Variants in MTFR1 observed in about 807,000 individuals in gnomAD.
MTFR1 encodes the protein chondrocyte protein with a poly-proline region.
MTFR1 carries 28 observed loss-of-function variants against 38.8 expected under a neutral mutation model. The observed-to-expected ratio is 0.72, with a 90% CI of 0.53 to 0.99. MTFR1 has a LOEUF of 0.99. MTFR1 is among the 50% of genes least tolerant of loss of function. The pLI is 0.00. For synonymous variants in MTFR1, 145 were observed against 137.0 expected, an observed-to-expected ratio of 1.06 and a Z score of -0.41; for missense variants, 358 against 395.5, an observed-to-expected ratio of 0.91 and a Z score of 0.81.
intron 5 of MTFR1, among the ~76,000 whole-genome samples, chr8:65,706,631 C>G (rs1464908461): frequency 1.3e-5 from 2 of 152,116 alleles, no homozygotes; most frequent in Non-Finnish European, 2.9e-5. Context: ...TTAGTTTTCT[C>G]AAATCATTAA....
intron 4 of MTFR1, among the ~76,000 whole-genome samples, chr8:65,697,536 C>T (rs1805482263): frequency 6.6e-6 from 1 of 152,192 alleles, no homozygotes; most frequent in East Asian, 1.9e-4. Context: ...AGTTGATGGA[C>T]ATCTAGGTTG....
chr8:65,648,194 T>A (rs1452281900), intron 1 of MTFR1, among the ~76,000 whole-genome samples: 2 of 152,100 alleles, frequency 1.3e-5, no homozygotes, highest in Non-Finnish European at 2.9e-5. Flanking sequence ...TTTTTTCTAT[T>A]TTTTAGTAGA....
intron 7 of MTFR1, 113 bp from the exon 8 acceptor site, chr8:65,708,863 T>C (rs571463623): frequency 1.3e-4 from 125 of 955,616 alleles, no homozygotes; most frequent in East Asian, 8.9e-4. Flanking sequence ...AGTAGTTGCT[T>C]GGTTTTTCAT....
intron 3 of MTFR1, chr8:65,734,854 A>G (rs886902459): frequency 6.2e-7 from 1 of 1,612,714 alleles, no homozygotes; most frequent in Non-Finnish European, 8.5e-7. Context: ...GGACTGCGTT[A>G]TGGTAAGGAT....
chr8:65,661,523 GC>G (rs1210098806), intron 1 of MTFR1, among the ~76,000 whole-genome samples: 1 of 152,016 alleles, frequency 6.6e-6, no homozygotes, highest in Non-Finnish European at 1.5e-5. Flanking sequence ...TGTAATACCA[GC>G]TATTTAAGAG....
intron 4 of MTFR1, among the ~76,000 whole-genome samples, chr8:65,696,009 G>T (rs553066459): frequency 6.6e-6 from 1 of 152,164 alleles, no homozygotes; most frequent in Non-Finnish European, 1.5e-5. Flanking sequence ...CTGGTAGAGG[G>T]TATTGTTATG....
intron 4 of MTFR1, 127 bp from the exon 5 acceptor site, chr8:65,704,567 G>T: frequency 1.4e-6 from 1 of 695,078 alleles, no homozygotes. Context: ...CTTACACGAA[G>T]GGACTTATGT....
chr8:65,695,874 G>A lies in MTFR1; in HGVS notation c.281+2115G>A, dbSNP rs75595064. 0.011 allele frequency among the ~76,000 whole-genome samples: 1,690 copies of A among 152,228 alleles called. 72 individuals carry two copies. In the East Asian group the frequency reaches 0.12, roughly 11 times the overall value. On this transcript the variant is annotated intron_variant, in intron 4 of 7. Transcript: ENST00000262146. ...AGTGCCCAAGAAGCATGTATAGAAC[G>A]TGAAGAGCATTTGTACCCTGAGTGA...
Position 65,707,059 on chromosome 8 carries a change from T to TA in MTFR1, c.567_568insA (p.Pro190ThrfsTer20). The TA allele has an allele frequency of 1.1e-6, 1 of 932,152 alleles. No homozygotes were observed. Among genetic ancestry groups the TA allele is most frequent in the Non-Finnish European group, 1.7e-6 (1 of 589,922 alleles). The allele number at this position is 932,152 out of a possible 1,614,324, so 57.7% of individuals were successfully genotyped here. A position where few individuals can be genotyped will look rare whatever the true frequency, so the allele number is the denominator to read the frequency against. ...GTACCATACCACCACACCCTCCACC[T>TA]CCCCCACCGCCCCTGCCTCCCCCTG... On this transcript the variant is annotated frameshift_variant, in exon 6 of 8. Transcript: ENST00000262146. LOFTEE classifies it high-confidence loss of function.
chr8:65,656,588 G>A (rs1190970869), intron 1 of MTFR1, among the ~76,000 whole-genome samples: 1 of 144,542 alleles, frequency 6.9e-6, no homozygotes, highest in South Asian at 2.2e-4. Context: ...TGCAACCCCC[G>A]CCTACCAGAT....
chr8:65,691,965 T>C (rs1805294689), intron 3 of MTFR1, among the ~76,000 whole-genome samples: 1 of 152,236 alleles, frequency 6.6e-6, no homozygotes. Flanking sequence ...GTATTATGTG[T>C]CACATGATAT....
chr8:65,700,386 A>C (rs967050085), intron 4 of MTFR1, among the ~76,000 whole-genome samples: 11 of 151,932 alleles, frequency 7.2e-5, no homozygotes, highest in African/African-American at 2.7e-4. Flanking sequence ...AAACAAAAAA[A>C]AGGGCAGCAT....
At chr8:65,733,897 G>A (rs1263994897) in intron 3 of MTFR1, among the ~76,000 whole-genome samples, 1 of 152,078 alleles carries the variant, frequency 6.6e-6, no homozygotes, top group Non-Finnish European at 1.5e-5. Context: ...TAAGATCTAG[G>A]GAGAGAGCAG....
intron 3 of MTFR1, among the ~76,000 whole-genome samples, chr8:65,684,614 A>G (rs1805014752): frequency 6.6e-6 from 1 of 151,512 alleles, no homozygotes; most frequent in Non-Finnish European, 1.5e-5. Context: ...CGAACTCCCA[A>G]CCACAGGTGA....
intron 1 of MTFR1, among the ~76,000 whole-genome samples, chr8:65,650,577 G>A (rs7842126): frequency 5.9e-5 from 9 of 152,188 alleles, no homozygotes; most frequent in South Asian, 4.2e-4. Flanking sequence ...GGCTTATTTC[G>A]CTTAACATAA....
chr8:65,722,647 T>G (rs560560870), intron 3 of MTFR1: 1 of 152,396 alleles, frequency 6.6e-6, no homozygotes, highest in East Asian at 1.9e-4. Flanking sequence ...CTAGTCAACT[T>G]TCCTGTGAAC....
chr8:65,734,762 A>T (rs1051921986), intron 3 of MTFR1: 1 of 1,231,422 alleles, frequency 8.1e-7, no homozygotes, highest in African/African-American at 1.5e-5. Flanking sequence ...TTTTCTTATG[A>T]TTTTCACCTG....
intron 3 of MTFR1, chr8:65,689,621 C>T: frequency 7.9e-7 from 1 of 1,267,356 alleles, no homozygotes; most frequent in Non-Finnish European, 1.0e-6. Context: ...TTTTCTTTCT[C>T]AAACTTCCCA....
intron 3 of MTFR1, among the ~76,000 whole-genome samples, chr8:65,740,547 C>T (rs1170896090): frequency 6.6e-6 from 1 of 152,054 alleles, no homozygotes; most frequent in African/African-American, 2.4e-5. Flanking sequence ...AGTACAGGCA[C>T]CCGCCACCAA....
Sources: gnomAD v4.1 joint callset for allele counts (sites outside exome capture counted in the v4.1 genomes callset) on GRCh38, gnomAD v4.1.1 for gene constraint, MANE v1.5 for transcripts, NCBI Gene and HGNC (gene_info 2026-07-23, HGNC 2026-07-21) for gene names.